FILIP1: variants seen among roughly 807,000 people sequenced by gnomAD.
FILIP1 encodes filamin-A-interacting protein 1.
Under a neutral mutation model 102.1 loss-of-function variants are expected in FILIP1, and 61 were observed. That is an observed-to-expected ratio of 0.60 (90% confidence interval 0.49 to 0.74). FILIP1 has a LOEUF of 0.74. FILIP1 is among the 30% of genes least tolerant of loss of function. The pLI is 0.00. For missense variants in FILIP1, 1,314 were observed against 1,441.2 expected (o/e 0.91, Z 1.43); for synonymous variants, 491 against 526.9 (o/e 0.93, Z 0.93).
At chr6:75,488,609 C>T (rs996094282) in intron 1 of FILIP1, among the ~76,000 whole-genome samples, 7 of 151,986 alleles carry the variant, frequency 4.6e-5, no homozygotes, top group African/African-American at 1.7e-4. Context: ...TCTTTCCACA[C>T]AAAGTTTTCA....
chr6:75,361,557 C>T (rs982549312), intron 3 of FILIP1, among the ~76,000 whole-genome samples: 1 of 152,158 alleles, frequency 6.6e-6, no homozygotes, highest in African/African-American at 2.4e-5. Flanking sequence ...AGGGTATGAG[C>T]AGTTATCATT....
chr6:75,429,114 G>C (rs1777733196), intron 1 of FILIP1, among the ~76,000 whole-genome samples: 1 of 150,148 alleles, frequency 6.7e-6, no homozygotes, highest in African/African-American at 2.5e-5. Context: ...TACCTAAGGG[G>C]AAAAACAAAA....
intron 1 of FILIP1, among the ~76,000 whole-genome samples, chr6:75,441,323 C>G (rs1469104282): frequency 1.3e-5 from 2 of 152,100 alleles, no homozygotes; most frequent in Non-Finnish European, 2.9e-5. Flanking sequence ...CAACAGGATC[C>G]CAAGGCAAAA....
chr6:75,392,605 C>A (rs758930960), intron 2 of FILIP1, among the ~76,000 whole-genome samples: 1 of 152,130 alleles, frequency 6.6e-6, no homozygotes, highest in Non-Finnish European at 1.5e-5. Flanking sequence ...ACAATGAGCT[C>A]TTCTACACAA....
intron 1 of FILIP1, among the ~76,000 whole-genome samples, chr6:75,457,753 G>A (rs1156573027): frequency 2.0e-5 from 3 of 151,988 alleles, no homozygotes; most frequent in Non-Finnish European, 4.4e-5. Flanking sequence ...TCCTAACAAT[G>A]TTGAAAAATA....
At chr6:75,372,621 A>AAAAGAAAG (rs760896137) in intron 2 of FILIP1, among the ~76,000 whole-genome samples, 1,254 of 42,102 alleles carry the variant, frequency 0.03, 101 homozygotes, top group Admixed American at 0.042. Flanking sequence ...GAAAGAAAGA[A>AAAAGAAAG]AAAGAAAGAA....
chr6:75,352,417 G>A (rs1352327391), intron 4 of FILIP1, among the ~76,000 whole-genome samples: 1 of 151,988 alleles, frequency 6.6e-6, no homozygotes, highest in African/African-American at 2.4e-5. Flanking sequence ...TAATTTAAAA[G>A]ATACTGGGAA....
chr6:75,308,806 G>A lies in FILIP1; in HGVS notation c.3527C>T (p.Pro1176Leu). The change falls in exon 6 of 6, where the codon CCA (proline) becomes CTA (leucine). Residue 1176 changes from proline (P) to leucine (L), a missense_variant. By Grantham distance (98) the Pro-to-Leu change is moderately conservative (BLOSUM62 -3). Around this residue, in one of 3 missense-constraint regions of FILIP1, gnomAD observed 816 missense variants for 913.1 expected, o/e 0.89. Transcript: ENST00000237172. Reference protein sequence around the residue: ...MKAGKPVVAAPGAGNLTKFEP... With the variant: ...MKAGKPVVAALGAGNLTKFEP... ...GAATTTGGTCAGATTTCCTGCTCCT[G>A]GGGCTGCCACTACTGGCTTTCCTGC... is the stretch of plus-strand genomic sequence containing the variant. 4 of 1,614,084 alleles carry A rather than the reference G, an allele frequency of 2.5e-6. No individual in the cohort carries two copies. Among genetic ancestry groups the A allele is most frequent in the Non-Finnish European group, 3.4e-6 (4 of 1,180,008 alleles).
chr6:75,422,531 A>G (rs1777501192), intron 1 of FILIP1, among the ~76,000 whole-genome samples: 2 of 152,182 alleles, frequency 1.3e-5, no homozygotes, highest in African/African-American at 4.8e-5. Flanking sequence ...TCAGAACTGA[A>G]TAAGAATCAG....
At chr6:75,491,193 A>C (rs1779945953) in intron 1 of FILIP1, among the ~76,000 whole-genome samples, 1 of 152,158 alleles carries the variant, frequency 6.6e-6, no homozygotes, top group Non-Finnish European at 1.5e-5. Context: ...AAGTTTCTAC[A>C]GGACCAGAGA....
At chr6:75,397,211 T>C (rs1422032497) in intron 2 of FILIP1, among the ~76,000 whole-genome samples, 1 of 151,778 alleles carries the variant, frequency 6.6e-6, no homozygotes, top group African/African-American at 2.4e-5. Flanking sequence ...ATAAAAGACT[T>C]ATTCAGTACC....
intron 5 of FILIP1, among the ~76,000 whole-genome samples, chr6:75,311,488 T>TTTGTTTGTTTGTTTGC (rs1451863701): frequency 6.6e-6 from 1 of 150,586 alleles, no homozygotes; most frequent in Non-Finnish European, 1.5e-5. Flanking sequence ...AGTTTGTTTG[T>TTTGTTTGTTTGTTTGC]TTGTTTGTTT....
intron 1 of FILIP1, among the ~76,000 whole-genome samples, chr6:75,487,978 C>T (rs1249164819): frequency 6.6e-6 from 1 of 152,030 alleles, no homozygotes; most frequent in Non-Finnish European, 1.5e-5. Flanking sequence ...AAACCTTAAA[C>T]CTTAAGGGCT....
chr6:75,463,276 T>A (rs993193237), intron 1 of FILIP1, among the ~76,000 whole-genome samples: 1 of 152,222 alleles, frequency 6.6e-6, no homozygotes, highest in Non-Finnish European at 1.5e-5. Context: ...ATTTCATATA[T>A]TCAACATAAA....
intron 1 of FILIP1, among the ~76,000 whole-genome samples, chr6:75,479,656 G>A (rs1366871840): frequency 6.6e-6 from 1 of 151,500 alleles, no homozygotes; most frequent in Admixed American, 6.6e-5. Context: ...ATCACCTGAG[G>A]TCAGGAGTTC....
chr6:75,486,274 C>G (rs1484610763), intron 1 of FILIP1, among the ~76,000 whole-genome samples: 1 of 152,064 alleles, frequency 6.6e-6, no homozygotes, highest in Admixed American at 6.6e-5. Flanking sequence ...GGGAATCAAC[C>G]CAGCGTGTAG....
chr6:75,300,357 A>T (rs1347581118), intron 6 of FILIP1, among the ~76,000 whole-genome samples: 1 of 152,084 alleles, frequency 6.6e-6, no homozygotes, highest in Non-Finnish European at 1.5e-5. Flanking sequence ...CCCATGTTCT[A>T]TGGCTCCCTA....
rs1031968003 is a variant in FILIP1 at position 75,297,578 on chromosome 6, T to C, written c.3494-1628A>G. Among the ~76,000 whole-genome samples, 8 of 152,208 alleles carry C rather than the reference T, an allele frequency of 5.3e-5. 1 individual carries two copies. Among genetic ancestry groups the C allele is most frequent in the Non-Finnish European group, 1.0e-4 (7 of 68,028 alleles). On this transcript the variant is annotated intron_variant, in intron 6 of 6. Coordinates refer to the FILIP1 transcript ENST00000393004. ...AGCCCTTATAAACCATCTCGTTTTT[T>C]TCATTGAAAAAATATTCCAGCTTCA...
chr6:75,374,388 T>C (rs1053018134), intron 2 of FILIP1, among the ~76,000 whole-genome samples: 1 of 152,166 alleles, frequency 6.6e-6, no homozygotes, highest in East Asian at 1.9e-4. Flanking sequence ...AATTCTTTTT[T>C]TATTTTTTGA....
Sources: allele counts gnomAD v4.1 joint callset (sites outside exome capture counted in the v4.1 genomes callset), GRCh38; gene constraint gnomAD v4.1.1; regional missense constraint gnomAD v4.1.1; transcripts MANE v1.5; gene names NCBI Gene and HGNC (gene_info 2026-07-23, HGNC 2026-07-21).